GRAP2: variants seen among roughly 807,000 people sequenced by gnomAD.
GRAP2 encodes the protein GRB2 related adaptor protein 2.
A neutral mutation model predicts 43.5 loss-of-function variants in GRAP2; 31 were observed. The ratio of observed to expected loss-of-function variants is 0.71; its 90% CI spans 0.54 to 0.96. The LOEUF is 0.96. Ranked by LOEUF, GRAP2 falls within the 40% of genes least tolerant of loss-of-function variation. The probability of loss-of-function intolerance (pLI) is 0.00; values close to 1 mark genes in which losing one functional copy is unlikely to be tolerated. For missense variants in GRAP2, 371 were observed against 424.4 expected (o/e 0.87, Z 1.11); for synonymous variants, 156 against 164.8 (o/e 0.95, Z 0.41).
upstream of GRAP2, among the ~76,000 whole-genome samples, chr22:39,900,434 GAGAA>G (rs1601680949): frequency 1.3e-5 from 2 of 152,214 alleles, no homozygotes; most frequent in African/African-American, 2.4e-5. Context: ...CAAGAGCAAA[GAGAA>G]AGGAAGAGGC....
intron 5 of GRAP2, among the ~76,000 whole-genome samples, chr22:39,966,936 T>C (rs2067180540): frequency 6.6e-6 from 1 of 152,124 alleles, no homozygotes; most frequent in South Asian, 2.1e-4. Context: ...GTCTGGTCCA[T>C]ATTAAACACT....
intron 6 of GRAP2, among the ~76,000 whole-genome samples, chr22:39,969,105 T>TTCCC (rs1258052501): frequency 2.0e-5 from 3 of 152,212 alleles, no homozygotes; most frequent in Non-Finnish European, 4.4e-5. Context: ...AAATGGAAGC[T>TTCCC]CCATGAAGCC....
chr22:39,912,805 G>A (rs953017350), intron 1 of GRAP2, among the ~76,000 whole-genome samples: 7 of 152,246 alleles, frequency 4.6e-5, no homozygotes, highest in Admixed American at 4.6e-4. Context: ...GGTTGTGAGT[G>A]GCAGGGAATG....
intron 1 of GRAP2, among the ~76,000 whole-genome samples, chr22:39,928,591 A>G (rs1233545861): frequency 6.6e-6 from 1 of 152,180 alleles, no homozygotes; most frequent in Non-Finnish European, 1.5e-5. Flanking sequence ...TCCCCACTTG[A>G]AAGTTGAATT....
At chr22:39,941,308 G>A (rs1658876165) in intron 1 of GRAP2, among the ~76,000 whole-genome samples, 1 of 152,186 alleles carries the variant, frequency 6.6e-6, no homozygotes, top group African/African-American at 2.4e-5. Flanking sequence ...ACCCCACGGA[G>A]TAACTCTGGT....
At chr22:39,961,811 A>G (rs2067122780) in intron 4 of GRAP2, among the ~76,000 whole-genome samples, 1 of 152,246 alleles carries the variant, frequency 6.6e-6, no homozygotes, top group Non-Finnish European at 1.5e-5. Context: ...TTTGAAAGGC[A>G]TAAAGCTTTG....
intron 2 of GRAP2, 85 bp downstream of exon 2, chr22:39,947,269 C>G: frequency 1.3e-6 from 1 of 787,252 alleles, no homozygotes; most frequent in South Asian, 1.4e-5. Context: ...CTCTTAAGAA[C>G]TGCATGTGGT....
chr22:39,943,985 G>A (rs1039748251), intron 1 of GRAP2, among the ~76,000 whole-genome samples: 2 of 152,014 alleles, frequency 1.3e-5, no homozygotes, highest in African/African-American at 2.4e-5. Flanking sequence ...GATTACAGGC[G>A]TGAGCCACTG....
At chr22:39,968,385 C>A in intron 6 of GRAP2, 113 bp downstream of exon 6, 1 of 1,277,802 alleles carries the variant, frequency 7.8e-7, no homozygotes, top group Non-Finnish European at 1.1e-6. Context: ...AGACCCTGGA[C>A]CCCCCCAAAT....
intron 1 of GRAP2, among the ~76,000 whole-genome samples, chr22:39,944,491 G>A (rs757966752): frequency 3.3e-5 from 5 of 152,178 alleles, no homozygotes; most frequent in African/African-American, 4.8e-5. Flanking sequence ...GGAAATGGGA[G>A]CAAACAAATT....
At chr22:39,964,291 T>G in intron 4 of GRAP2, 1 of 657,270 alleles carries the variant, frequency 1.5e-6, no homozygotes. Flanking sequence ...CCATCACTTG[T>G]GAGTCCAGAC....
intron 1 of GRAP2, among the ~76,000 whole-genome samples, chr22:39,946,073 A>G (rs923300251): frequency 6.6e-6 from 1 of 152,106 alleles, no homozygotes; most frequent in African/African-American, 2.4e-5. Context: ...GTTGGCCAGG[A>G]TGGTCTTGAA....
At chr22:39,941,854 G>A (rs182809738) in intron 1 of GRAP2, among the ~76,000 whole-genome samples, 76 of 152,100 alleles carry the variant, frequency 5.0e-4, no homozygotes, top group Non-Finnish European at 8.5e-4. Flanking sequence ...TATATCAACA[G>A]GAGAGGTGTT....
chr22:39,934,778 G>A (rs2066789977), intron 1 of GRAP2, among the ~76,000 whole-genome samples: 1 of 152,118 alleles, frequency 6.6e-6, no homozygotes, highest in Non-Finnish European at 1.5e-5. Context: ...AGCTGAGGCA[G>A]GAGGATGCCT....
intron 1 of GRAP2, among the ~76,000 whole-genome samples, chr22:39,918,317 A>C (rs1488928118): frequency 6.6e-6 from 1 of 152,070 alleles, no homozygotes; most frequent in African/African-American, 2.4e-5. Flanking sequence ...ATAATAACGA[A>C]GTTCTTCATT....
chr22:39,913,613 G>C (rs2066582958), intron 1 of GRAP2, among the ~76,000 whole-genome samples: 1 of 152,126 alleles, frequency 6.6e-6, no homozygotes. Context: ...AGGGGTCAAG[G>C]GCTCCCAGCT....
At chr22:39,947,322 C>A in intron 2 of GRAP2, 138 bp downstream of exon 2, 1 of 670,164 alleles carries the variant, frequency 1.5e-6, no homozygotes, top group Non-Finnish European at 2.8e-6. Context: ...CTTTGTGCAC[C>A]CTTATACCAG....
chr22:39,925,465 G>A (rs1391906091), intron 1 of GRAP2, among the ~76,000 whole-genome samples: 1 of 152,132 alleles, frequency 6.6e-6, no homozygotes, highest in African/African-American at 2.4e-5. Context: ...CCCAAGTGCA[G>A]CCTGTACACA....
intron 1 of GRAP2, among the ~76,000 whole-genome samples, chr22:39,939,582 A>AG (rs137986): frequency 6.7e-6 from 1 of 149,300 alleles, no homozygotes; most frequent in African/African-American, 2.5e-5. Context: ...AAAAAAAAAA[A>AG]GAAATGGTCC....
Sources: allele counts gnomAD v4.1 joint callset (sites outside exome capture counted in the v4.1 genomes callset), GRCh38; gene constraint gnomAD v4.1.1; transcripts MANE v1.5; gene names NCBI Gene and HGNC (gene_info 2026-07-23, HGNC 2026-07-21).